Variants in CDK14 observed in about 807,000 individuals in gnomAD.
CDK14 encodes cyclin-dependent kinase 14.
A neutral mutation model predicts 60.7 loss-of-function variants in CDK14; 34 were observed. That is an observed-to-expected ratio of 0.56 (90% CI 0.43 to 0.75). The LOEUF is 0.75. Ranked by LOEUF, CDK14 falls within the 30% of genes least tolerant of loss-of-function variation. CDK14 has a pLI of 0.00. For synonymous variants in CDK14, 197 were observed against 203.7 expected (o/e 0.97, Z 0.28); for missense variants, 482 against 564.1 (o/e 0.85, Z 1.47).
chr7:90,689,881 C>A (rs916818651), intron 2 of CDK14, among the ~76,000 whole-genome samples: 5 of 152,002 alleles, frequency 3.3e-5, no homozygotes, highest in African/African-American at 1.2e-4. Context: ...TAATAAACTG[C>A]AAATTATTTG....
intron 2 of CDK14, among the ~76,000 whole-genome samples, chr7:90,613,976 G>A (rs1291804349): frequency 6.8e-6 from 1 of 147,794 alleles, no homozygotes; most frequent in African/African-American, 2.5e-5. Flanking sequence ...AGTCCTGAGT[G>A]TTTGAGACTA....
intron 10 of CDK14, among the ~76,000 whole-genome samples, chr7:91,028,718 C>T (rs1000753913): frequency 3.3e-4 from 50 of 152,094 alleles, no homozygotes; most frequent in African/African-American, 1.2e-3. Context: ...TGGTCATTTG[C>T]ATATCTTCTT....
intron 2 of CDK14, among the ~76,000 whole-genome samples, chr7:90,621,199 T>G (rs1799757170): frequency 6.6e-6 from 1 of 152,110 alleles, no homozygotes; most frequent in Admixed American, 6.5e-5. Flanking sequence ...ACCTCCTCGT[T>G]TTTGGGTTGG....
chr7:90,741,849 T>G (rs1456073886), intron 3 of CDK14, among the ~76,000 whole-genome samples: 9 of 152,164 alleles, frequency 5.9e-5, no homozygotes, highest in Admixed American at 5.9e-4. Flanking sequence ...TTTCCTTTGT[T>G]ACTAGGTTAC....
chr7:90,818,141 C>A (rs1789421298), intron 5 of CDK14, among the ~76,000 whole-genome samples: 2 of 152,160 alleles, frequency 1.3e-5, no homozygotes, highest in African/African-American at 4.8e-5. Flanking sequence ...CTCCAGATTT[C>A]CTTTCTTAGT....
intron 10 of CDK14, among the ~76,000 whole-genome samples, chr7:90,991,394 G>A (rs994039715): frequency 3.9e-5 from 6 of 152,114 alleles, no homozygotes; most frequent in Admixed American, 3.3e-4. Flanking sequence ...ACCTTGTAGG[G>A]GATGTTCATG....
At chr7:90,979,667 A>G (rs1795177621) in intron 9 of CDK14, 1 of 152,206 alleles carries the variant, frequency 6.6e-6, no homozygotes, top group Non-Finnish European at 1.5e-5. Flanking sequence ...ACTATTAGAC[A>G]TACCCCCAAA....
chr7:91,184,392 T>C (rs1401587093), intron 14 of CDK14, among the ~76,000 whole-genome samples: 2 of 151,940 alleles, frequency 1.3e-5, no homozygotes. Flanking sequence ...GGTTTTACAA[T>C]GTGCTGGGTA....
intron 6 of CDK14, among the ~76,000 whole-genome samples, chr7:90,888,558 G>C (rs1269909235): frequency 2.0e-5 from 3 of 151,960 alleles, no homozygotes; most frequent in Non-Finnish European, 4.4e-5. Flanking sequence ...TCTTCCGTTA[G>C]TTCTTTGTTT....
chr7:90,670,837 A>G (rs991281766), intron 2 of CDK14, among the ~76,000 whole-genome samples: 2 of 152,104 alleles, frequency 1.3e-5, no homozygotes, highest in South Asian at 4.1e-4. Flanking sequence ...TATCCAAATC[A>G]TATCATTCTA....
At chr7:91,057,253 G>T (rs537660550) in intron 11 of CDK14, among the ~76,000 whole-genome samples, 2,454 of 151,952 alleles carry the variant, frequency 0.016, 41 homozygotes, top group South Asian at 0.025. Context: ...TGTTGATGGG[G>T]TTGTTTTTTT....
chr7:90,649,424 TCTTTCTTTC>T lies in CDK14; in HGVS notation c.123+45176_123+45184del, dbSNP rs1390308090. Among the ~76,000 whole-genome samples, 215 of 107,292 alleles carry T rather than the reference TCTTTCTTTC, an allele frequency of 2.0e-3. 21 individuals carry two copies. The highest frequency in any genetic ancestry group is 8.9e-3 in the East Asian group (14 of 1,568). 70.4% of individuals were successfully genotyped at this position (107,292 alleles called of 152,430 possible). A position where few individuals can be genotyped will look rare whatever the true frequency, so the allele number is the denominator to read the frequency against. On this transcript the variant is annotated intron_variant, in intron 2 of 14. Coordinates refer to ENST00000380050, the MANE Select transcript of CDK14 (RefSeq NM_001287135.2). ...TTCTTTCTTTCTTTCTTTCTTTCCT[TCTTTCTTTC>T]TCTTTCCTTCCTTCTTTCCTTCTTT... is the stretch of plus-strand genomic sequence containing the variant.
At chr7:90,643,569 G>A (rs575432598) in intron 2 of CDK14, among the ~76,000 whole-genome samples, 2 of 152,186 alleles carry the variant, frequency 1.3e-5, no homozygotes, top group Non-Finnish European at 2.9e-5. Context: ...TTCCCGCTAA[G>A]TATGAGAAGA....
chr7:90,614,809 A>G (rs958952832), intron 2 of CDK14, among the ~76,000 whole-genome samples: 17 of 151,970 alleles, frequency 1.1e-4, no homozygotes, highest in Admixed American at 6.6e-5. Flanking sequence ...TAGGCATATG[A>G]GCCTGGGAAT....
At chr7:91,109,346 A>T (rs1562908012) in intron 12 of CDK14, among the ~76,000 whole-genome samples, 1 of 152,186 alleles carries the variant, frequency 6.6e-6, no homozygotes, top group Non-Finnish European at 1.5e-5. Context: ...TGGGACAAAT[A>T]ATTTGTCAGC....
chr7:91,045,493 G>A lies in CDK14; in HGVS notation c.1042-404G>A, dbSNP rs866624223. Among the ~76,000 whole-genome samples the A allele has an allele frequency of 6.6e-5, 10 of 152,260 alleles. No homozygotes were observed. In the South Asian group the frequency reaches 2.1e-3, roughly 32 times the overall value. On this transcript the variant is annotated intron_variant, in intron 10 of 14. Coordinates refer to ENST00000380050, the MANE Select transcript of CDK14 (RefSeq NM_001287135.2). ...AGACAGAGGATGTGGGGTAGAAATG[G>A]AAGAATTGTTGGAACTGTTAAATGA...
At chr7:90,601,716 C>T (rs1386632077) in intron 1 of CDK14, among the ~76,000 whole-genome samples, 1 of 152,074 alleles carries the variant, frequency 6.6e-6, no homozygotes, top group Non-Finnish European at 1.5e-5. Context: ...ACTTGAGGGT[C>T]TTCATTCCAT....
intron 14 of CDK14, among the ~76,000 whole-genome samples, chr7:91,162,861 G>A (rs1801213174): frequency 1.3e-5 from 2 of 152,188 alleles, no homozygotes; most frequent in Non-Finnish European, 2.9e-5. Context: ...TCTTAGGGAA[G>A]GGGCAGGTAG....
intron 2 of CDK14, among the ~76,000 whole-genome samples, chr7:90,636,529 A>C (rs375791401): frequency 6.6e-6 from 1 of 151,694 alleles, no homozygotes; most frequent in Non-Finnish European, 1.5e-5. Context: ...TGCTGGATTC[A>C]GTTTGCCAGT....
Sources: gnomAD v4.1 joint callset for allele counts (sites outside exome capture counted in the v4.1 genomes callset) on GRCh38, gnomAD v4.1.1 for gene constraint, MANE v1.5 for transcripts, NCBI Gene and HGNC (gene_info 2026-07-23, HGNC 2026-07-21) for gene names.